The following HTR1F variants were observed in gnomAD, a reference collection of about 807,000 sequenced individuals.
HTR1F encodes the protein 5-hydroxytryptamine (serotonin) receptor 1F, G protein-coupled.
In HTR1F, 17 loss-of-function variants were observed where a neutral mutation model predicts 24.0. The ratio of observed to expected loss-of-function variants is 0.71; its 90% CI spans 0.48 to 1.06. The LOEUF (loss-of-function observed/expected upper bound fraction) is 1.06. Among genes scored for constraint, HTR1F ranks in the 50% least tolerant of loss-of-function variants. The pLI is 0.00. For missense variants in HTR1F, 391 were observed against 427.8 expected, an observed-to-expected ratio of 0.91 and a Z score of 0.76; for synonymous variants, 186 against 156.8, an observed-to-expected ratio of 1.19 and a Z score of -1.39.
At chr3:87,878,501 C>T (rs1705719200) in intron 2 of HTR1F, among the ~76,000 whole-genome samples, 4 of 152,154 alleles carry the variant, frequency 2.6e-5, no homozygotes, top group South Asian at 2.1e-4. Context: ...TACTTTTGCT[C>T]ATAGTTTTGT....
At chr3:87,882,106 A>G (rs1437681763) in intron 2 of HTR1F, among the ~76,000 whole-genome samples, 1 of 152,260 alleles carries the variant, frequency 6.6e-6, no homozygotes, top group Admixed American at 6.5e-5. Context: ...GACACATGAA[A>G]AAATGGTCAC....
chr3:87,829,218 G>T (rs1704524471), intron 2 of HTR1F, among the ~76,000 whole-genome samples: 1 of 152,054 alleles, frequency 6.6e-6, no homozygotes, highest in African/African-American at 2.4e-5. Flanking sequence ...CCTGTTTGCT[G>T]CACCTCAGTT....
chr3:87,917,131 T>A (rs1054922106), intron 2 of HTR1F, among the ~76,000 whole-genome samples: 2 of 151,706 alleles, frequency 1.3e-5, no homozygotes, highest in Non-Finnish European at 2.9e-5. Context: ...TAAAAATATA[T>A]CAAAATTAAA....
At position 87,822,000 on chromosome 3, in the gene HTR1F, T is replaced by G. The variant is rs768684452; in HGVS notation, c.-159-8T>G. 9.2e-5 allele frequency among the ~76,000 whole-genome samples: 14 copies of G among 152,136 alleles called. No homozygotes were observed. Among genetic ancestry groups the G allele is most frequent in the Non-Finnish European group, 1.6e-4 (11 of 68,024 alleles). ...GAAATGATTTGTTTTATTCTTTGCT[T>G]TTTTAAGGAGGAGTTTGGGAGAGAA... On this transcript the variant is annotated splice_polypyrimidine_tract_variant and splice_region_variant and intron_variant, in intron 1 of 2. Coordinates refer to ENST00000319595, the MANE Select transcript of HTR1F (RefSeq NM_001322209.2).
chr3:87,830,133 C>A (rs551790306), intron 2 of HTR1F, among the ~76,000 whole-genome samples: 4 of 152,206 alleles, frequency 2.6e-5, no homozygotes, highest in Admixed American at 2.6e-4. Flanking sequence ...GGTAGTTAAA[C>A]ATTTAATGTT....
intron 2 of HTR1F, among the ~76,000 whole-genome samples, chr3:87,880,864 CTT>C (rs1705778329): frequency 6.6e-6 from 1 of 152,114 alleles, no homozygotes; most frequent in Admixed American, 6.5e-5. Context: ...TAATTGGAGA[CTT>C]ATCAAATTCA....
intron 2 of HTR1F, among the ~76,000 whole-genome samples, chr3:87,975,672 T>A (rs1487465470): frequency 6.6e-6 from 1 of 151,854 alleles, no homozygotes; most frequent in Admixed American, 6.6e-5. Context: ...CTTTTTAAAC[T>A]TTAGATAAAG....
At chr3:87,974,599 T>C (rs1378774464) in intron 2 of HTR1F, among the ~76,000 whole-genome samples, 1 of 152,194 alleles carries the variant, frequency 6.6e-6, no homozygotes, top group African/African-American at 2.4e-5. Flanking sequence ...GTTTATCTCA[T>C]CATATTGCAG....
chr3:87,931,026 C>CTTTTTTTTTTTTTTTTTTTTTTTTTTTTT (rs34617109), intron 2 of HTR1F, among the ~76,000 whole-genome samples: 4 of 131,832 alleles, frequency 3.0e-5, no homozygotes, highest in East Asian at 2.3e-4. Context: ...ATAGTCTTTC[C>CTTTTTTTTTTTTTTTTTTTTTTTTTTTTT]TTTTTTTTTT....
chr3:87,918,067 C>T (rs1255842308), intron 2 of HTR1F, among the ~76,000 whole-genome samples: 1 of 151,900 alleles, frequency 6.6e-6, no homozygotes, highest in Non-Finnish European at 1.5e-5. Context: ...ATTTAACATA[C>T]ACAAGTCAAT....
chr3:87,938,979 C>A (rs1241017529), intron 2 of HTR1F, among the ~76,000 whole-genome samples: 2 of 152,102 alleles, frequency 1.3e-5, no homozygotes, highest in Non-Finnish European at 2.9e-5. Context: ...AATAAACTAT[C>A]AACAGAGTAA....
chr3:87,938,445 A>T (rs1704481469), intron 2 of HTR1F, among the ~76,000 whole-genome samples: 1 of 152,150 alleles, frequency 6.6e-6, no homozygotes, highest in Non-Finnish European at 1.5e-5. Context: ...CTATTTTAAA[A>T]TTCATATGGA....
chr3:87,848,045 A>C (rs1704986152), intron 2 of HTR1F, among the ~76,000 whole-genome samples: 2 of 151,942 alleles, frequency 1.3e-5, no homozygotes, highest in Non-Finnish European at 2.9e-5. Context: ...CAGTGAGATT[A>C]CTGGACTGTA....
chr3:87,941,170 C>G (rs1485747951), intron 2 of HTR1F, among the ~76,000 whole-genome samples: 1 of 152,198 alleles, frequency 6.6e-6, no homozygotes, highest in African/African-American at 2.4e-5. Flanking sequence ...GCTGCTTCTT[C>G]TGCTTCAGGT....
At chr3:87,990,622 C>A in intron 2 of HTR1F, 86 bp from the exon 3 acceptor site, 1 of 660,594 alleles carries the variant, frequency 1.5e-6, no homozygotes, top group Non-Finnish European at 2.6e-6. Context: ...GTAAACATAA[C>A]ATACACTTTT....
intron 2 of HTR1F, among the ~76,000 whole-genome samples, chr3:87,938,612 TAGAG>T (rs1260476416): frequency 4.0e-5 from 6 of 151,830 alleles, no homozygotes; most frequent in African/African-American, 4.8e-5. Context: ...TGGAAGAAAA[TAGAG>T]AGCCTAGAAG....
At chr3:87,808,601 G>A (rs1445714756) in intron 1 of HTR1F, among the ~76,000 whole-genome samples, 8 of 150,158 alleles carry the variant, frequency 5.3e-5, no homozygotes, top group African/African-American at 2.0e-4. Context: ...TTTTTCATTT[G>A]CCTCTACTTT....
chr3:87,901,000 G>A (rs2107324848), intron 2 of HTR1F, among the ~76,000 whole-genome samples: 1 of 152,244 alleles, frequency 6.6e-6, no homozygotes, highest in East Asian at 1.9e-4. Flanking sequence ...ACATAGAGGA[G>A]AACGACATCC....
chr3:87,856,595 A>T (rs1172424223), intron 2 of HTR1F, among the ~76,000 whole-genome samples: 1 of 152,144 alleles, frequency 6.6e-6, no homozygotes, highest in Non-Finnish European at 1.5e-5. Flanking sequence ...TGGCATGCAC[A>T]AAACACAACT....
Sources: allele counts gnomAD v4.1 joint callset (sites outside exome capture counted in the v4.1 genomes callset), GRCh38; gene constraint gnomAD v4.1.1; transcripts MANE v1.5; gene names NCBI Gene and HGNC (gene_info 2026-07-23, HGNC 2026-07-21).